The following SEMA3A variants were observed in gnomAD, a reference collection of about 807,000 sequenced individuals.
The protein encoded by SEMA3A is semaphorin 3A.
A neutral mutation model predicts 97.9 loss-of-function variants in SEMA3A; 29 were observed. That is an observed-to-expected ratio of 0.30 (90% CI 0.22 to 0.40). SEMA3A has a LOEUF of 0.40. Among genes scored for constraint, SEMA3A ranks in the 10% least tolerant of loss-of-function variants. SEMA3A has a pLI of 1.00. For missense variants in SEMA3A, 763 were observed against 951.3 expected (o/e 0.80, Z 2.60); for synonymous variants, 321 against 323.7 (o/e 0.99, Z 0.09).
chr7:83,994,887 G>A (rs533656477), intron 12 of SEMA3A, among the ~76,000 whole-genome samples: 2 of 152,248 alleles, frequency 1.3e-5, no homozygotes, highest in South Asian at 2.1e-4. Context: ...AATCAAGCCT[G>A]GGCAATGGCG....
intron 2 of SEMA3A, among the ~76,000 whole-genome samples, chr7:84,370,458 T>C (rs750105253): frequency 6.6e-5 from 10 of 151,704 alleles, no homozygotes; most frequent in Non-Finnish European, 1.0e-4. Context: ...AAAATATCTA[T>C]GGAAATCATG....
At chr7:83,968,144 G>A (rs1788779922) in intron 15 of SEMA3A, among the ~76,000 whole-genome samples, 1 of 151,970 alleles carries the variant, frequency 6.6e-6, no homozygotes, top group Non-Finnish European at 1.5e-5. Flanking sequence ...ACTCAACTAA[G>A]GAAATATTGG....
intron 2 of SEMA3A, among the ~76,000 whole-genome samples, chr7:84,339,195 T>TGTGGG (rs111351505): frequency 0.018 from 2,695 of 152,092 alleles, 80 homozygotes; most frequent in East Asian, 0.12. Context: ...CTCTATTTGG[T>TGTGGG]GTGGGTTTGT....
intron 2 of SEMA3A, among the ~76,000 whole-genome samples, chr7:84,332,382 C>A (rs1801929115): frequency 6.6e-6 from 1 of 152,078 alleles, no homozygotes; most frequent in Non-Finnish European, 1.5e-5. Context: ...CAGTGCCCAT[C>A]ACTGGATACA....
intron 1 of SEMA3A, among the ~76,000 whole-genome samples, chr7:84,442,945 C>A (rs1805308232): frequency 6.6e-6 from 1 of 151,672 alleles, no homozygotes; most frequent in South Asian, 2.1e-4. Flanking sequence ...TGTATACAAC[C>A]AATAGGAGGC....
At chr7:84,382,239 C>A (rs1426573085) in intron 1 of SEMA3A, among the ~76,000 whole-genome samples, 2 of 151,858 alleles carry the variant, frequency 1.3e-5, no homozygotes. Flanking sequence ...TCCCTAGTAG[C>A]TGGGATTACA....
chr7:84,336,930 T>TTA (rs1241172321), intron 2 of SEMA3A, among the ~76,000 whole-genome samples: 1 of 152,150 alleles, frequency 6.6e-6, no homozygotes, highest in African/African-American at 2.4e-5. Flanking sequence ...AATAACATGG[T>TTA]TATCTATATC....
In SEMA3A at chr7:84,112,647, G is replaced by A. The variant is rs150914847; in HGVS notation, c.334-2058C>T. Among the ~76,000 whole-genome samples, 613 of 152,258 alleles carry A rather than the reference G, an allele frequency of 4.0e-3. 5 individuals are homozygous for A. The highest frequency in any genetic ancestry group is 0.014 in the African/African-American group (576 of 41,550). On this transcript the variant is annotated intron_variant, in intron 3 of 16. Coordinates refer to ENST00000265362, the MANE Select transcript of SEMA3A (RefSeq NM_006080.3). ...GTGGGCTCTTTATCTCTTATAGATT[G>A]AATAACTGACTAGCAATTTATAGTG...
intron 3 of SEMA3A, among the ~76,000 whole-genome samples, chr7:84,273,669 G>C (rs1800212737): frequency 6.6e-6 from 1 of 152,092 alleles, no homozygotes; most frequent in Non-Finnish European, 1.5e-5. Context: ...GGTGCTGAGG[G>C]AGCAATTGCA....
intron 3 of SEMA3A, among the ~76,000 whole-genome samples, chr7:84,235,941 A>G (rs1004269920): frequency 2.6e-5 from 4 of 152,082 alleles, no homozygotes; most frequent in African/African-American, 9.7e-5. Flanking sequence ...CACCCTACAC[A>G]CTTTTAACTA....
rs1395110822 is a variant in SEMA3A at position 84,295,002 on chromosome 7, G to A, written c.-83+12205C>T. 2.6e-5 allele frequency among the ~76,000 whole-genome samples: 4 copies of A among 152,064 alleles called. No homozygotes were observed. The South Asian group carries it at 8.3e-4, about 32-fold the overall frequency. On this transcript the variant is annotated intron_variant, in intron 3 of 3. Coordinates refer to the SEMA3A transcript ENST00000424555. ...CTGCTCTCTGTAGAATCTTTATATAGCAAAAAGTTTTTAATGTTAATTTTT... is the reference window on the plus strand; with the variant it reads ...CTGCTCTCTGTAGAATCTTTATATAACAAAAAGTTTTTAATGTTAATTTTT...
chr7:84,171,665 T>C (rs1797384998), intron 1 of SEMA3A, among the ~76,000 whole-genome samples: 1 of 152,140 alleles, frequency 6.6e-6, no homozygotes, highest in Non-Finnish European at 1.5e-5. Context: ...AGCTGTAGTT[T>C]CATGTAAGAT....
At chr7:84,112,739 T>C (rs552001994) in intron 3 of SEMA3A, among the ~76,000 whole-genome samples, 3 of 152,302 alleles carry the variant, frequency 2.0e-5, no homozygotes, top group Non-Finnish European at 4.4e-5. Flanking sequence ...TCAAGGTTCT[T>C]GCTAACTATG....
At chr7:84,083,639 C>T (rs1794236349) in intron 4 of SEMA3A, among the ~76,000 whole-genome samples, 1 of 152,028 alleles carries the variant, frequency 6.6e-6, no homozygotes, top group African/African-American at 2.4e-5. Context: ...TGGTAACCAT[C>T]ACCAGATTTC....
At chr7:84,140,992 C>A (rs771455299) in intron 1 of SEMA3A, among the ~76,000 whole-genome samples, 1 of 152,198 alleles carries the variant, frequency 6.6e-6, no homozygotes, top group South Asian at 2.1e-4. Flanking sequence ...AATCTATTTT[C>A]TTTATTTCAC....
At chr7:84,170,447 A>G (rs1412991554) in intron 1 of SEMA3A, among the ~76,000 whole-genome samples, 1 of 151,938 alleles carries the variant, frequency 6.6e-6, no homozygotes, top group Non-Finnish European at 1.5e-5. Context: ...CACTTTAACA[A>G]ATACTTTATT....
intron 1 of SEMA3A, among the ~76,000 whole-genome samples, chr7:84,384,223 T>C (rs1803344123): frequency 1.3e-5 from 2 of 152,210 alleles, no homozygotes; most frequent in African/African-American, 4.8e-5. Flanking sequence ...AGTTGTCATA[T>C]TATTTTGATT....
chr7:84,005,225 A>G (rs1260435607), intron 11 of SEMA3A, 114 bp downstream of exon 11: 5 of 741,428 alleles, frequency 6.7e-6, no homozygotes, highest in Non-Finnish European at 9.3e-6. Flanking sequence ...TTATATGTGG[A>G]TTTTCAACTG....
intron 1 of SEMA3A, among the ~76,000 whole-genome samples, chr7:84,469,182 T>C (rs541534037): frequency 6.6e-6 from 1 of 152,210 alleles, no homozygotes; most frequent in African/African-American, 2.4e-5. Context: ...TGTGTGCTTA[T>C]GCATATGAAT....
Sources: gnomAD v4.1 joint callset for allele counts (sites outside exome capture counted in the v4.1 genomes callset) on GRCh38, gnomAD v4.1.1 for gene constraint, MANE v1.5 for transcripts, NCBI Gene and HGNC (gene_info 2026-07-23, HGNC 2026-07-21) for gene names.